Variants in FAM149A observed in about 807,000 individuals in gnomAD.
FAM149A encodes the protein protein FAM149A.
In FAM149A, 71 loss-of-function variants were observed where a neutral mutation model predicts 78.2. The ratio of observed to expected loss-of-function variants is 0.91; its 90% CI spans 0.75 to 1.11. The LOEUF is 1.11. FAM149A is among the 50% of genes least tolerant of loss of function. The pLI, the probability that FAM149A is intolerant of heterozygous loss-of-function variation, is 0.00. For synonymous variants in FAM149A, 446 were observed against 410.5 expected (o/e 1.09, Z -1.04); for missense variants, 1,036 against 971.0 (o/e 1.07, Z -0.89).
rs1241517635 is a variant in FAM149A at position 186,127,142 on chromosome 4, G to A, written c.566+21500G>A. ...GAAGGTGCTGGAGCTGACTGCACGG[G>A]CCAACAGGAGCAACTGTACACCTCT... On this transcript the variant is annotated intron_variant, in intron 1 of 13. Coordinates refer to ENST00000389354, the MANE Select transcript of FAM149A (RefSeq NM_001367768.3). 8.1e-6 allele frequency: 8 copies of A among 984,970 alleles called. No homozygotes were observed. In the African/African-American group the frequency reaches 8.7e-5, roughly 11 times the overall value. The allele number at this position is 984,970 out of a possible 1,614,324, so 61.0% of individuals were successfully genotyped here. A position where few individuals can be genotyped will look rare whatever the true frequency, so the allele number is the denominator to read the frequency against.
At chr4:186,155,102 G>A (rs1054278851) in intron 6 of FAM149A, 6 of 198,416 alleles carry the variant, frequency 3.0e-5, no homozygotes, top group African/African-American at 4.7e-5. Context: ...AGCTGGAACT[G>A]CAGGCGCCCA....
In FAM149A at chr4:186,163,455, G is replaced by A. The variant is rs536193818; in HGVS notation, c.1711G>A (p.Gly571Arg). The A allele has an allele frequency of 7.4e-6, 12 of 1,613,910 alleles. No individual in the cohort carries two copies. The highest frequency in any genetic ancestry group is 1.7e-4 in the Middle Eastern group (1 of 5,906). ...GAAGGAGGACAAAGCATCGGGTGGA[G>A]GGGCAGGTGCTCTCTCCTCCGCACC... The change falls in exon 10 of 14, where the codon GGG becomes AGG. Residue 571 changes from glycine to arginine, a missense_variant. Physicochemically the swap from Gly to Arg is moderately radical, Grantham distance 125 (BLOSUM62 -2). Coordinates refer to ENST00000389354, the MANE Select transcript of FAM149A (RefSeq NM_001367768.3).
At chr4:186,155,831 A>T (rs1311810112) in intron 6 of FAM149A, among the ~76,000 whole-genome samples, 169 bp from the exon 7 acceptor site, 1 of 152,180 alleles carries the variant, frequency 6.6e-6, no homozygotes, top group African/African-American at 2.4e-5. Flanking sequence ...TCTTGTTTTT[A>T]TTCATGTGTA....
chr4:186,156,223 GAAAAAGT>G, intron 7 of FAM149A, 33 bp downstream of exon 7: 1 of 1,582,044 alleles, frequency 6.3e-7, no homozygotes, highest in Non-Finnish European at 8.6e-7. Flanking sequence ...TTAATGAAAA[GAAAAAGT>G]CCCTGTTCTT....
At chr4:186,118,712 C>A (rs2099314744) in intron 1 of FAM149A, among the ~76,000 whole-genome samples, 1 of 152,020 alleles carries the variant, frequency 6.6e-6, no homozygotes, top group Non-Finnish European at 1.5e-5. Context: ...CAGATAGTAT[C>A]CTCTGATTGA....
intron 8 of FAM149A, chr4:186,158,873 A>C (rs1437901001): frequency 1.1e-6 from 1 of 875,828 alleles, no homozygotes; most frequent in Non-Finnish European, 1.4e-6. Flanking sequence ...GCCACCAGCA[A>C]GATGGAAATA....
chr4:186,141,765 G>A (rs745942936), intron 1 of FAM149A, among the ~76,000 whole-genome samples: 1 of 152,158 alleles, frequency 6.6e-6, no homozygotes, highest in African/African-American at 2.4e-5. Context: ...TTAACAAGAC[G>A]TCAGATTTAG....
chr4:186,127,702 GGAGA>G (rs2099318934), intron 1 of FAM149A: 1 of 985,050 alleles, frequency 1.0e-6, no homozygotes, highest in African/African-American at 1.7e-5. Flanking sequence ...GTTTTGTTTT[GGAGA>G]TAGAGTTATG....
intron 8 of FAM149A, chr4:186,158,422 G>T: frequency 8.5e-7 from 1 of 1,177,550 alleles, no homozygotes; most frequent in South Asian, 1.8e-5. Context: ...GGCTCAGGGA[G>T]TTCTGGGCAT....
At chr4:186,117,990 G>A (rs1406172254) in intron 1 of FAM149A, 1 of 985,332 alleles carries the variant, frequency 1.0e-6, no homozygotes, top group Non-Finnish European at 1.2e-6. Context: ...ATGCGGGTTT[G>A]TCATGCAGAT....
intron 8 of FAM149A, among the ~76,000 whole-genome samples, chr4:186,160,575 CA>C (rs1286490270): frequency 1.3e-5 from 2 of 148,252 alleles, no homozygotes; most frequent in Admixed American, 1.3e-4. Flanking sequence ...CCACACACAC[CA>C]CATATCATAC....
chr4:186,149,150 G>T (rs760768417), intron 1 of FAM149A, 23 bp from the exon 2 acceptor site: 1 of 1,266,586 alleles, frequency 7.9e-7, no homozygotes, highest in Non-Finnish European at 1.0e-6. Context: ...AGGGAGACTC[G>T]TCATGTTTTA....
chr4:186,134,762 C>T (rs2099322045), intron 1 of FAM149A, among the ~76,000 whole-genome samples: 1 of 151,710 alleles, frequency 6.6e-6, no homozygotes, highest in Admixed American at 6.6e-5. Context: ...AATCTGGATT[C>T]TGGTCCCTGG....
intron 6 of FAM149A, 119 bp from the exon 7 acceptor site, chr4:186,155,881 T>G: frequency 1.4e-6 from 1 of 722,664 alleles, no homozygotes; most frequent in Non-Finnish European, 2.0e-6. Context: ...AACGATGCTG[T>G]TTAACAAAGA....
At chr4:186,161,768 GT>G (rs1734626747) in intron 8 of FAM149A, among the ~76,000 whole-genome samples, 1 of 152,178 alleles carries the variant, frequency 6.6e-6, no homozygotes, top group Admixed American at 6.5e-5. Context: ...AATACTCAAG[GT>G]GTTCTAGTTC....
intron 1 of FAM149A, among the ~76,000 whole-genome samples, chr4:186,120,669 C>G (rs2099315616): frequency 6.7e-6 from 1 of 150,070 alleles, no homozygotes; most frequent in African/African-American, 2.4e-5. Flanking sequence ...TGGTGCGTGC[C>G]TGTAGTCCCA....
At chr4:186,161,420 T>C (rs74897807) in intron 8 of FAM149A, among the ~76,000 whole-genome samples, 3,452 of 152,312 alleles carry the variant, frequency 0.023, 145 homozygotes, top group African/African-American at 0.079. Flanking sequence ...CTTGTTTCAC[T>C]CTCTAGTGTA....
At chr4:186,130,021 A>T (rs779940068) in intron 1 of FAM149A, 8 of 152,054 alleles carry the variant, frequency 5.3e-5, no homozygotes, top group Non-Finnish European at 1.2e-4. Context: ...ATATGTAAAG[A>T]TGCACCCATT....
chr4:186,107,889 G>A (rs1422202895), intron 1 of FAM149A, among the ~76,000 whole-genome samples: 2 of 152,078 alleles, frequency 1.3e-5, no homozygotes, highest in Non-Finnish European at 2.9e-5. Context: ...TCAGATCCAC[G>A]ACTACTCACA....
Sources: gnomAD v4.1 joint callset for allele counts (sites outside exome capture counted in the v4.1 genomes callset) on GRCh38, gnomAD v4.1.1 for gene constraint, MANE v1.5 for transcripts, NCBI Gene and HGNC (gene_info 2026-07-23, HGNC 2026-07-21) for gene names.